The following DYNC2H1 variants were observed in gnomAD, a reference collection of about 807,000 sequenced individuals.
DYNC2H1 encodes the protein cytoplasmic dynein 2 heavy chain 1.
Under a neutral mutation model 570.0 loss-of-function variants are expected in DYNC2H1, and 410 were observed. That is an observed-to-expected ratio of 0.72 (90% CI 0.66 to 0.78). The LOEUF (loss-of-function observed/expected upper bound fraction) is 0.78, where lower values mean the gene tolerates loss of function less well. DYNC2H1 is among the 30% of genes least tolerant of loss of function. The probability of loss-of-function intolerance (pLI) is 0.00; values close to 1 mark genes in which losing one functional copy is unlikely to be tolerated. For synonymous variants in DYNC2H1, 1,688 were observed against 1,677.6 expected, an observed-to-expected ratio of 1.01 and a Z score of -0.15; for missense variants, 4,865 against 5,046.4, an observed-to-expected ratio of 0.96 and a Z score of 1.09.
chr11:103,147,089 C>G (rs575083052), intron 18 of DYNC2H1, among the ~76,000 whole-genome samples: 2 of 152,174 alleles, frequency 1.3e-5, no homozygotes, highest in East Asian at 3.9e-4. Flanking sequence ...AATCTTGGAG[C>G]CTGCCTTGAA....
Position 103,323,986 on chromosome 11 carries a change from C to T in DYNC2H1, c.12035C>T (p.Ser4012Phe). ...CGCTCATCTCAGCGCATGATCAGTT[C>T]TCAGGTAACCTAAAAAAAAGATCTA... ...IARSSQRMIS[S>F]QVISQLRILG... The change falls in exon 82 of 89, where the codon TCT becomes TTT. Residue 4012 changes from serine to phenylalanine, a missense_variant. Ser to Phe is a radical substitution (Grantham distance 155, BLOSUM62 -2). Around this residue, in one of 5 missense-constraint regions of DYNC2H1, gnomAD observed 2,401 missense variants for 2,454.6 expected, o/e 0.98. Transcript: ENST00000375735. The T allele has an allele frequency of 6.3e-7, 1 of 1,578,386 alleles. No individual in the cohort carries two copies. The highest frequency in any genetic ancestry group is 8.6e-7 in the Non-Finnish European group (1 of 1,166,754).
At chr11:103,109,854 T>C (rs2134668810) in intron 1 of DYNC2H1, 85 bp downstream of exon 1, 1 of 1,383,142 alleles carries the variant, frequency 7.2e-7, no homozygotes, top group Admixed American at 2.4e-5. Context: ...TCACACTCTT[T>C]AGCTTTACCA....
At chr11:103,310,576 T>C (rs779290417) in intron 78 of DYNC2H1, among the ~76,000 whole-genome samples, 18 of 152,010 alleles carry the variant, frequency 1.2e-4, no homozygotes, top group Non-Finnish European at 1.9e-4. Context: ...AATTTGGCCT[T>C]ATCTATGGTG....
intron 85 of DYNC2H1, among the ~76,000 whole-genome samples, chr11:103,442,276 T>C (rs1944295982): frequency 6.6e-6 from 1 of 152,092 alleles, no homozygotes; most frequent in African/African-American, 2.4e-5. Context: ...TACTGCATTT[T>C]AGTGAAGGAG....
Position 103,209,753 on chromosome 11 carries a change from CTT to C in DYNC2H1, c.8455-122_8455-121del. 1.5e-6 allele frequency: 1 copy of C among 677,486 alleles called. No individual in the cohort carries two copies. The highest frequency in any genetic ancestry group is 3.4e-5 in the South Asian group (1 of 29,016). 42.0% of individuals were successfully genotyped at this position (677,486 alleles called of 1,614,324 possible). The stretch of plus-strand genomic sequence containing the variant: ...AAAGATTTCTGTATTATTTTTGTCT[CTT>C]AGTCTGGAATGAATCCTAGAAGAAA... On this transcript the variant is annotated intron_variant, in intron 52 of 88. Coordinates refer to ENST00000375735, the MANE Select transcript of DYNC2H1 (RefSeq NM_001377.3). The surrounding 1 kb of genome is among the most constrained non-coding windows in gnomAD (Gnocchi z 4.2).
intron 66 of DYNC2H1, among the ~76,000 whole-genome samples, chr11:103,253,885 A>G (rs1246364333): frequency 6.6e-6 from 1 of 152,148 alleles, no homozygotes; most frequent in Non-Finnish European, 1.5e-5. Context: ...CTTTGAAGTC[A>G]ATTTATCTTC....
intron 18 of DYNC2H1, among the ~76,000 whole-genome samples, chr11:103,144,886 A>AT (rs774322795): frequency 0.05 from 7,234 of 144,982 alleles, 245 homozygotes; most frequent in Non-Finnish European, 0.07. Flanking sequence ...ATAATTAGTT[A>AT]TTTTTTTTTT....
intron 85 of DYNC2H1, among the ~76,000 whole-genome samples, chr11:103,452,687 T>A (rs1944651864): frequency 6.6e-6 from 1 of 152,018 alleles, no homozygotes; most frequent in South Asian, 2.1e-4. Flanking sequence ...AAATTCTGTA[T>A]ATTTTGGTCC....
At chr11:103,128,730 A>G (rs962673921) in intron 12 of DYNC2H1, among the ~76,000 whole-genome samples, 180 bp from the exon 13 acceptor site, 1 of 152,222 alleles carries the variant, frequency 6.6e-6, no homozygotes, top group Admixed American at 6.5e-5. Flanking sequence ...GTAGGAACTC[A>G]ACACTTACTT....
At position 103,168,862 on chromosome 11, in the gene DYNC2H1, T is replaced by C. The variant is rs1292944997; in HGVS notation, c.4870T>C (p.Trp1624Arg). The change falls in exon 32 of 89, where the codon TGG becomes CGG. Residue 1624 changes from tryptophan (W) to arginine (R), a missense_variant. By Grantham distance (101) the Trp-to-Arg change is moderately radical. Around this residue, in one of 5 missense-constraint regions of DYNC2H1, gnomAD observed 1,936 missense variants for 1,962.1 expected, o/e 0.99. Coordinates refer to ENST00000375735, the MANE Select transcript of DYNC2H1 (RefSeq NM_001377.3). Reference protein sequence around the residue: ...NQIQVHTTEDWAWKKQLRFYM... With the variant: ...NQIQVHTTEDRAWKKQLRFYM... ...AATTCAGGTTCATACAACTGAAGAC[T>C]GGGCTTGGAAAAAACAACTTAGATT... 2 of 1,613,246 alleles carry C rather than the reference T, an allele frequency of 1.2e-6. No individual in the cohort carries two copies. Among genetic ancestry groups the C allele is most frequent in the Admixed American group, 3.3e-5 (2 of 59,958 alleles).
At chr11:103,435,398 TA>T (rs1344081515) in intron 84 of DYNC2H1, among the ~76,000 whole-genome samples, 2 of 152,174 alleles carry the variant, frequency 1.3e-5, no homozygotes, top group African/African-American at 4.8e-5. Flanking sequence ...GAGTCTGCAT[TA>T]ATGGTTAATG....
Position 103,122,880 on chromosome 11 carries a change from G to C in DYNC2H1, c.1541G>C (p.Arg514Pro), listed in dbSNP as rs377567443. ...CTTTTATCTGACTTGCCAGGATTTC[G>C]ATGTTTCCATCAAAGTGCCAAAGAT... ...EALLSDLPGF[R>P]CFHQSAKDLL... Residue 514 changes from arginine (R) to proline (P), a missense_variant, in exon 11 of 89, where the codon CGA becomes CCA. Coordinates refer to ENST00000375735, the MANE Select transcript of DYNC2H1 (RefSeq NM_001377.3). 6.2e-7 allele frequency: 1 copy of C among 1,613,100 alleles called. No individual in the cohort carries two copies. Among genetic ancestry groups the C allele is most frequent in the Non-Finnish European group, 8.5e-7 (1 of 1,179,504 alleles).
chr11:103,260,881 A>C (rs980598576), intron 70 of DYNC2H1, among the ~76,000 whole-genome samples: 1 of 151,810 alleles, frequency 6.6e-6, no homozygotes, highest in South Asian at 2.1e-4. Flanking sequence ...AGCCTCCCAA[A>C]GTGCTGGGAT....
intron 84 of DYNC2H1, among the ~76,000 whole-genome samples, chr11:103,417,991 A>T (rs1943349360): frequency 7.2e-6 from 1 of 138,002 alleles, no homozygotes; most frequent in African/African-American, 2.6e-5. Context: ...AGTCGTGATT[A>T]AAAAAAAAAA....
At chr11:103,410,396 G>A (rs557521435) in intron 84 of DYNC2H1, among the ~76,000 whole-genome samples, 1 of 152,172 alleles carries the variant, frequency 6.6e-6, no homozygotes, top group African/African-American at 2.4e-5. Context: ...GTTTTTATGT[G>A]TATTACTTGT....
At chr11:103,374,006 C>T (rs542049321) in intron 83 of DYNC2H1, among the ~76,000 whole-genome samples, 5 of 151,986 alleles carry the variant, frequency 3.3e-5, no homozygotes, top group Non-Finnish European at 7.4e-5. Flanking sequence ...ATGTTTATTC[C>T]TGTTCACTTT....
rs1274196368 is a variant in DYNC2H1 at position 103,461,246 on chromosome 11, T to C, written c.12648+4890T>C. ...TTTTCAGCAGAGGGGATTGTTTCAA[T>C]AGGAGAAATTTGGATTTGAATTATA... is the stretch of plus-strand genomic sequence containing the variant. On this transcript the variant is annotated intron_variant, in intron 87 of 88. Transcript: ENST00000375735. The surrounding 1 kb of genome is among the most constrained non-coding windows in gnomAD (Gnocchi z 4.8). 1.3e-5 allele frequency among the ~76,000 whole-genome samples: 2 copies of C among 152,190 alleles called. No individual in the cohort carries two copies. Among genetic ancestry groups the C allele is most frequent in the Non-Finnish European group, 2.9e-5 (2 of 68,014 alleles).
At position 103,342,421 on chromosome 11, in the gene DYNC2H1, T is replaced by C. The variant is rs192294743; in HGVS notation, c.12040-15822T>C. Among the ~76,000 whole-genome samples the C allele has an allele frequency of 1.9e-3, 288 of 151,904 alleles. 1 individual carries two copies. Among genetic ancestry groups the C allele is most frequent in the African/African-American group, 6.7e-3 (276 of 41,418 alleles). On this transcript the variant is annotated intron_variant, in intron 82 of 88. Coordinates refer to ENST00000375735, the MANE Select transcript of DYNC2H1 (RefSeq NM_001377.3). ...ACCCCAGCCAGCTGCAGCAAGCTGC[T>C]CCAGTCCCCTTCCACAACGTGGAAC... is the stretch of plus-strand genomic sequence containing the variant.
intron 70 of DYNC2H1, among the ~76,000 whole-genome samples, chr11:103,273,551 G>T (rs1469256730): frequency 1.3e-5 from 2 of 152,086 alleles, no homozygotes; most frequent in Admixed American, 1.3e-4. Context: ...CCATGCACTT[G>T]TGCGCATGTT....
Sources: gnomAD v4.1 joint callset for allele counts (sites outside exome capture counted in the v4.1 genomes callset) on GRCh38, gnomAD v4.1.1 for gene constraint, gnomAD v4.1.1 regional missense constraint, Gnocchi (gnomAD v3.1) non-coding constraint, MANE v1.5 for transcripts, NCBI Gene and HGNC (gene_info 2026-07-23, HGNC 2026-07-21) for gene names.